The following DPH6 variants were observed in gnomAD, a reference collection of about 807,000 sequenced individuals.
DPH6 encodes the protein diphthamine biosynthesis 6.
A neutral mutation model predicts 38.2 loss-of-function variants in DPH6; 33 were observed. The observed-to-expected ratio is 0.86, with a 90% CI of 0.65 to 1.15. The LOEUF (loss-of-function observed/expected upper bound fraction) is 1.15, where lower values mean the gene tolerates loss of function less well. DPH6 is among the 50% of genes most tolerant of loss of function. DPH6 has a pLI of 0.00. For synonymous variants in DPH6, 108 were observed against 103.0 expected (o/e 1.05, Z -0.30); for missense variants, 325 against 320.0 (o/e 1.02, Z -0.12).
chr15:35,397,864 T>C (rs1040278431), intron 6 of DPH6, among the ~76,000 whole-genome samples: 4 of 88,598 alleles, frequency 4.5e-5, no homozygotes, highest in African/African-American at 2.0e-4. Context: ...TCAATTTATA[T>C]ATATACACAC....
At chr15:35,212,665 T>C (rs12442665), downstream of DPH6, among the ~76,000 whole-genome samples, 4,541 of 152,260 alleles carry the variant, frequency 0.03, 300 homozygotes, top group East Asian at 0.3. Context: ...ACAACTGAAA[T>C]AGTACTTTTT....
chr15:35,217,085 TG>T (rs1195105632), downstream of DPH6, among the ~76,000 whole-genome samples: 3 of 152,102 alleles, frequency 2.0e-5, no homozygotes, highest in African/African-American at 7.2e-5. Flanking sequence ...TAATAGCAAA[TG>T]TAAGTGATAA....
chr15:35,248,152 C>T (rs1407187125), intron 3 of DPH6, among the ~76,000 whole-genome samples: 1 of 152,138 alleles, frequency 6.6e-6, no homozygotes, highest in Non-Finnish European at 1.5e-5. Flanking sequence ...GCCTCAGAAG[C>T]AGCCTAAGAA....
At chr15:35,298,018 T>A (rs544650562) in intron 3 of DPH6, among the ~76,000 whole-genome samples, 2 of 152,214 alleles carry the variant, frequency 1.3e-5, no homozygotes, top group African/African-American at 4.8e-5. Flanking sequence ...GCCTCCCATC[T>A]CTCCAATCTT....
At chr15:35,427,105 G>A (rs1202646726) in intron 5 of DPH6, among the ~76,000 whole-genome samples, 7 of 151,828 alleles carry the variant, frequency 4.6e-5, no homozygotes, top group Non-Finnish European at 1.0e-4. Context: ...CTCTGGTAAT[G>A]AGGACAGCAA....
downstream of DPH6, among the ~76,000 whole-genome samples, chr15:35,216,631 G>T (rs1489601099): frequency 1.3e-5 from 2 of 152,160 alleles, no homozygotes; most frequent in African/African-American, 4.8e-5. Context: ...TATTTAATCA[G>T]TAAATTTTTA....
Position 35,454,650 on chromosome 15 carries a change from A to G in DPH6, c.386+97T>C. On this transcript the variant is annotated intron_variant, in intron 4 of 8. Coordinates refer to ENST00000256538, the MANE Select transcript of DPH6 (RefSeq NM_080650.4). ...AGTTCCATGGAGCACGTAGACTACCATACCTATTTATAATTTGAATATGAT... is the reference window on the plus strand; with the variant it reads ...AGTTCCATGGAGCACGTAGACTACCGTACCTATTTATAATTTGAATATGAT... 4 of 1,020,518 alleles carry G rather than the reference A, an allele frequency of 3.9e-6. No individual in the cohort carries two copies. In the South Asian group the frequency reaches 6.0e-5, roughly 15 times the overall value. 63.2% of individuals were successfully genotyped at this position (1,020,518 alleles called of 1,614,324 possible). A position where few individuals can be genotyped will look rare whatever the true frequency, so the allele number is the denominator to read the frequency against.
chr15:35,486,493 C>T (rs1441663850), intron 3 of DPH6, among the ~76,000 whole-genome samples: 3 of 152,022 alleles, frequency 2.0e-5, no homozygotes, highest in Non-Finnish European at 4.4e-5. Context: ...AGAGAGAAAG[C>T]AAGAAGGGAA....
rs769674669 is a variant in DPH6 at position 35,381,883 on chromosome 15, C to T, written c.601G>A (p.Glu201Lys). 1 of 1,613,596 alleles carries T rather than the reference C, an allele frequency of 6.2e-7. No individual in the cohort carries two copies. The highest frequency in any genetic ancestry group is 1.3e-5 in the African/African-American group (1 of 74,904). Residue 201 changes from glutamate (E) to lysine (K), a missense_variant, in exon 7 of 9, where the codon GAA becomes AAA. By Grantham distance (56) the Glu-to-Lys change is moderately conservative. Coordinates refer to ENST00000256538, the MANE Select transcript of DPH6 (RefSeq NM_080650.4). The part of the protein sequence containing the change: ...SKKYGVHVCG[E>K]GGEYETFTLD... The stretch of plus-strand genomic sequence containing the variant: ...GTGAAAGTTTCATACTCTCCACCTT[C>T]TCCACAAACATGTACTCCATACTTC...
chr15:35,300,954 G>A (rs555372470), intron 3 of DPH6, among the ~76,000 whole-genome samples: 11 of 152,188 alleles, frequency 7.2e-5, no homozygotes, highest in Admixed American at 7.2e-4. Flanking sequence ...CAAGGCATGA[G>A]AAAAATCATC....
chr15:35,456,109 T>C (rs748852600), intron 3 of DPH6, among the ~76,000 whole-genome samples: 7 of 152,170 alleles, frequency 4.6e-5, no homozygotes, highest in Non-Finnish European at 8.8e-5. Flanking sequence ...AAAAGAGCTA[T>C]TTCCTTTACT....
At chr15:35,237,935 G>A in intron 3 of DPH6, 1 of 1,397,026 alleles carries the variant, frequency 7.2e-7, no homozygotes, top group Non-Finnish European at 1.0e-6. Flanking sequence ...TGGAGAGGAG[G>A]AGGAGGATGA....
chr15:35,401,520 T>C (rs1025696228), intron 6 of DPH6: 9 of 771,478 alleles, frequency 1.2e-5, no homozygotes, highest in East Asian at 2.4e-5. Flanking sequence ...ATGACAGCTA[T>C]AACAATGGAG....
At chr15:35,164,204 T>C in the DPH6 span, among the ~76,000 whole-genome samples, 1 of 151,844 alleles carries the variant, frequency 6.6e-6, no homozygotes, top group Non-Finnish European at 1.5e-5. Context: ...GGTTGTTTGA[T>C]TGGACTCTTT....
At chr15:35,533,953 T>C (rs192808435) in intron 3 of DPH6, among the ~76,000 whole-genome samples, 1 of 152,050 alleles carries the variant, frequency 6.6e-6, no homozygotes, top group Non-Finnish European at 1.5e-5. Context: ...GGGAAAATTC[T>C]AGAGTCAAAA....
intron 3 of DPH6, among the ~76,000 whole-genome samples, chr15:35,461,271 A>G (rs1330126459): frequency 2.6e-5 from 4 of 152,140 alleles, no homozygotes; most frequent in Non-Finnish European, 5.9e-5. Context: ...TTTAGTAGAG[A>G]TGGGGTTTCA....
chr15:35,152,163 T>C, the DPH6 span, among the ~76,000 whole-genome samples: 3 of 152,256 alleles, frequency 2.0e-5, no homozygotes, highest in Non-Finnish European at 4.4e-5. Context: ...AACTCTTGTT[T>C]ATATCAATTA....
intron 3 of DPH6, among the ~76,000 whole-genome samples, chr15:35,270,708 T>C (rs1161409067): frequency 1.3e-5 from 2 of 152,222 alleles, no homozygotes; most frequent in Non-Finnish European, 2.9e-5. Context: ...AATGCTCTTG[T>C]GTTTGTAGGG....
rs376309042 is a variant in DPH6, at chr15:35,456,817, T to G, written c.313-1997A>C. Reference sequence around the variant, plus strand: ...TTACTATTAAAATAATAATTGGAATTTATTATCCATTTGCCATTCACTAGT... The same window carrying G: ...TTACTATTAAAATAATAATTGGAATGTATTATCCATTTGCCATTCACTAGT... On this transcript the variant is annotated intron_variant, in intron 3 of 8. Transcript: ENST00000256538. Among the ~76,000 whole-genome samples, 22 of 152,128 alleles carry G rather than the reference T, an allele frequency of 1.4e-4. No individual in the cohort carries two copies. The East Asian group carries it at 3.7e-3, about 25-fold the overall frequency.
Sources: allele counts gnomAD v4.1 joint callset (sites outside exome capture counted in the v4.1 genomes callset), GRCh38; gene constraint gnomAD v4.1.1; transcripts MANE v1.5; gene names NCBI Gene and HGNC (gene_info 2026-07-23, HGNC 2026-07-21).